Variants in SOAT2 observed in about 807,000 individuals in gnomAD.
The protein encoded by SOAT2 is ACAT-2.
In SOAT2, 87 loss-of-function variants were observed where a neutral mutation model predicts 76.0. The ratio of observed to expected loss-of-function variants is 1.14; its 90% CI spans 0.96 to 1.37. The LOEUF is 1.37. SOAT2 is among the 40% of genes most tolerant of loss of function. The pLI is 0.00. For missense variants in SOAT2, 686 were observed against 682.1 expected, an observed-to-expected ratio of 1.01 and a Z score of -0.06; for synonymous variants, 285 against 275.4, an observed-to-expected ratio of 1.03 and a Z score of -0.34.
chr12:53,116,160 A>T lies in SOAT2; in HGVS notation c.772A>T (p.Arg258Ter), dbSNP rs751624603. 6.2e-7 allele frequency: 1 copy of T among 1,613,922 alleles called. No homozygotes were observed. Reference protein sequence around the residue: ...REAVPGTLRARRGEGIQAPSF... With the variant: ...REAVPGTLRA Reference sequence around the variant, plus strand: ...GGCTGTGCCTGGGACCCTTCGTGCCAGACGAGGTGAGGCCTTCATCTTGCC... The same window carrying T: ...GGCTGTGCCTGGGACCCTTCGTGCCTGACGAGGTGAGGCCTTCATCTTGCC... Residue 258 changes from arginine (R) to a stop codon, truncating the protein, a stop_gained, in exon 7 of 15, where the codon AGA (arginine) becomes TGA (stop). Transcript: ENST00000301466. LOFTEE classifies it high-confidence loss of function.
At chr12:53,115,718 G>A (rs1054757716) in intron 6 of SOAT2, 64 bp downstream of exon 6, 3 of 1,444,228 alleles carry the variant, frequency 2.1e-6, no homozygotes, top group Admixed American at 5.5e-5. Context: ...TCAGCAGAGG[G>A]GGAGTCCCCC....
At position 53,118,670 on chromosome 12, in the gene SOAT2, T is replaced by C. The variant is rs1346488950; in HGVS notation, c.864-220T>C. On this transcript the variant is annotated intron_variant, in intron 8 of 14. Coordinates refer to ENST00000301466, the MANE Select transcript of SOAT2 (RefSeq NM_003578.4). ...TTACCCAGGACTGTCTTGATAATCC[T>C]ACCCATCCTACACACCCTTGTTGAC... Among the ~76,000 whole-genome samples the C allele has an allele frequency of 3.3e-5, 5 of 152,116 alleles. No individual in the cohort carries two copies. The South Asian group carries it at 6.2e-4, about 19-fold the overall frequency.
intron 11 of SOAT2, 26 bp downstream of exon 11, chr12:53,120,909 G>T: frequency 6.4e-7 from 1 of 1,568,172 alleles, no homozygotes; most frequent in Non-Finnish European, 8.8e-7. Flanking sequence ...AGGCCAGTTG[G>T]AAGCTGGAGA....
chr12:53,109,331 C>A (rs1407053065), intron 5 of SOAT2, among the ~76,000 whole-genome samples: 1 of 152,046 alleles, frequency 6.6e-6, no homozygotes, highest in Non-Finnish European at 1.5e-5. Flanking sequence ...GGAATACATA[C>A]CAATAACATA....
In SOAT2 at chr12:53,114,418, G is replaced by A. The variant is rs374747294; in HGVS notation, c.444-972G>A. 7.9e-5 allele frequency among the ~76,000 whole-genome samples: 12 copies of A among 152,200 alleles called. No homozygotes were observed. In the East Asian group the frequency reaches 2.1e-3, roughly 27 times the overall value. ...CCTCCTTCAATCCCACACTGCTCTC[G>A]GAGGATTTTAAACAGTTTCTGGCTG... On this transcript the variant is annotated intron_variant, in intron 5 of 14. Coordinates refer to ENST00000301466, the MANE Select transcript of SOAT2 (RefSeq NM_003578.4).
Position 53,103,542 on chromosome 12 carries a change from G to T in SOAT2, c.-36G>T. On this transcript the variant is annotated 5_prime_UTR_variant, in exon 1 of 15. Coordinates refer to ENST00000301466, the MANE Select transcript of SOAT2 (RefSeq NM_003578.4). ...CACTGCGAAGGAAGGAGGCAACACG[G>T]GCAAGGGCTGCCTGCTGCCCGCTGG... 1 of 1,534,944 alleles carries T rather than the reference G, an allele frequency of 6.5e-7. No individual in the cohort carries two copies.
At chr12:53,111,257 C>G (rs186583528) in intron 5 of SOAT2, among the ~76,000 whole-genome samples, 49 of 152,230 alleles carry the variant, frequency 3.2e-4, no homozygotes, top group African/African-American at 1.2e-3. Flanking sequence ...AGGCGCCCGC[C>G]ACCACGCCCG....
chr12:53,119,358 A>G, intron 10 of SOAT2, 105 bp downstream of exon 10: 1 of 1,275,722 alleles, frequency 7.8e-7, no homozygotes, highest in African/African-American at 1.5e-5. Flanking sequence ...TCTCCTTCTG[A>G]GTCTCTCCTC....
At position 53,116,167 on chromosome 12, in the gene SOAT2, G is replaced by A. The variant is rs755909276; in HGVS notation, c.778+1G>A. ...CCTGGGACCCTTCGTGCCAGACGAGGTGAGGCCTTCATCTTGCCCGGTTGT... is the reference window on the plus strand; with the variant it reads ...CCTGGGACCCTTCGTGCCAGACGAGATGAGGCCTTCATCTTGCCCGGTTGT... On this transcript the variant is annotated splice_donor_variant, in intron 7 of 14. Coordinates refer to ENST00000301466, the MANE Select transcript of SOAT2 (RefSeq NM_003578.4). LOFTEE classifies it high-confidence loss of function. The A allele has an allele frequency of 1.2e-6, 2 of 1,613,638 alleles. No homozygotes were observed. Among genetic ancestry groups the A allele is most frequent in the East Asian group, 2.2e-5 (1 of 44,894 alleles).
At chr12:53,109,993 C>T (rs1001842937) in intron 5 of SOAT2, among the ~76,000 whole-genome samples, 1 of 152,156 alleles carries the variant, frequency 6.6e-6, no homozygotes, top group Admixed American at 6.6e-5. Context: ...TAACTTTAGC[C>T]AATATGTTTA....
At position 53,118,400 on chromosome 12, in the gene SOAT2, T is replaced by G; in HGVS notation, c.829T>G (p.Cys277Gly). 6.2e-7 allele frequency: 1 copy of G among 1,613,780 alleles called. No homozygotes were observed. Among genetic ancestry groups the G allele is most frequent in the Non-Finnish European group, 8.5e-7 (1 of 1,179,820 alleles). The change falls in exon 8 of 15, where the codon TGC becomes GGC. Residue 277 changes from cysteine to glycine, a missense_variant. By Grantham distance (159) the Cys-to-Gly change is radical. Coordinates refer to ENST00000301466, the MANE Select transcript of SOAT2 (RefSeq NM_003578.4). Reference protein sequence around the residue: ...SFSSYLYFLFCPTLIYRETYP... With the variant: ...SFSSYLYFLFGPTLIYRETYP... ...CTCCAGCTACCTCTACTTCCTCTTC[T>G]GCCCAACACTCATCTACAGGGAGAC...
intron 10 of SOAT2, among the ~76,000 whole-genome samples, chr12:53,119,705 GAA>G (rs1938161539): frequency 6.7e-6 from 1 of 148,858 alleles, no homozygotes; most frequent in African/African-American, 2.5e-5. Flanking sequence ...CCCTCAGCTT[GAA>G]ATACCCTTTC....
At chr12:53,104,040 G>T in intron 1 of SOAT2, 111 bp from the exon 2 acceptor site, 1 of 908,562 alleles carries the variant, frequency 1.1e-6, no homozygotes, top group Non-Finnish European at 1.9e-6. Flanking sequence ...TTGGCTGGTT[G>T]GGGTGAGGGC....
chr12:53,117,021 C>T (rs954731511), intron 7 of SOAT2, among the ~76,000 whole-genome samples: 5 of 149,352 alleles, frequency 3.3e-5, no homozygotes, highest in Non-Finnish European at 5.9e-5. Context: ...TGCAGTGGCA[C>T]GATCTTGGCT....
intron 6 of SOAT2, 58 bp downstream of exon 6, chr12:53,115,712 CA>C: frequency 6.9e-7 from 1 of 1,448,772 alleles, no homozygotes; most frequent in Non-Finnish European, 9.0e-7. Flanking sequence ...GCCATCTCAG[CA>C]GAGGGGGAGT....
intron 5 of SOAT2, among the ~76,000 whole-genome samples, chr12:53,112,151 A>G (rs1215040016): frequency 6.6e-6 from 1 of 152,146 alleles, no homozygotes; most frequent in East Asian, 1.9e-4. Flanking sequence ...ATGTCTCTCA[A>G]TTACACTTCT....
intron 6 of SOAT2, 104 bp from the exon 7 acceptor site, chr12:53,115,993 C>A: frequency 1.0e-6 from 1 of 997,658 alleles, no homozygotes; most frequent in Non-Finnish European, 1.6e-6. Flanking sequence ...CCAGACAGAT[C>A]TTACACTCTG....
At chr12:53,108,974 C>G (rs1565626264) in intron 5 of SOAT2, among the ~76,000 whole-genome samples, 1 of 152,234 alleles carries the variant, frequency 6.6e-6, no homozygotes, top group Non-Finnish European at 1.5e-5. Flanking sequence ...CACAGTGGCT[C>G]ATGCCTGTAA....
At chr12:53,111,983 C>T (rs1938018162) in intron 5 of SOAT2, among the ~76,000 whole-genome samples, 1 of 152,186 alleles carries the variant, frequency 6.6e-6, no homozygotes, top group Non-Finnish European at 1.5e-5. Flanking sequence ...TTTATAGATT[C>T]CTAAGACCTC....
Sources: gnomAD v4.1 joint callset for allele counts (sites outside exome capture counted in the v4.1 genomes callset) on GRCh38, gnomAD v4.1.1 for gene constraint, MANE v1.5 for transcripts, NCBI Gene and HGNC (gene_info 2026-07-23, HGNC 2026-07-21) for gene names.